The following DCAF17 variants were observed in gnomAD, a reference collection of about 807,000 sequenced individuals.
DCAF17 encodes the protein DDB1 and CUL4 associated factor 17, also known as DDB1- and CUL4-associated factor 17.
DCAF17 carries 48 observed loss-of-function variants against 66.0 expected under a neutral mutation model. That is an observed-to-expected ratio of 0.73 (90% CI 0.58 to 0.92). DCAF17 has a LOEUF of 0.92. Among genes scored for constraint, DCAF17 ranks in the 40% least tolerant of loss-of-function variants. The pLI is 0.00. For missense variants in DCAF17, 562 were observed against 622.8 expected (o/e 0.90, Z 1.04); for synonymous variants, 206 against 214.6 (o/e 0.96, Z 0.35).
At chr2:171,454,581 G>A (rs1012809360) in intron 6 of DCAF17, among the ~76,000 whole-genome samples, 1 of 152,034 alleles carries the variant, frequency 6.6e-6, no homozygotes, top group Non-Finnish European at 1.5e-5. Flanking sequence ...ACCGCGCCTG[G>A]CCAGCACTCA....
Position 171,458,240 on chromosome 2 carries a change from G to T in DCAF17, c.733-132G>T, listed in dbSNP as rs947476741. The T allele has an allele frequency of 7.8e-6, 8 of 1,028,718 alleles. No homozygotes were observed. In the African/African-American group the frequency reaches 1.3e-4, roughly 16 times the overall value. 63.7% of individuals were successfully genotyped at this position (1,028,718 alleles called of 1,614,324 possible). On this transcript the variant is annotated intron_variant, in intron 7 of 13. Coordinates refer to ENST00000375255, the MANE Select transcript of DCAF17 (RefSeq NM_025000.4). ...CAAGTAACCTTTAAAGCAGGGGTGG[G>T]GAAGATAAACAGAAAGGCCATTGGA... is the stretch of plus-strand genomic sequence containing the variant.
intron 3 of DCAF17, chr2:171,447,433 T>C (rs754334454): frequency 6.9e-6 from 2 of 291,392 alleles, no homozygotes; most frequent in South Asian, 2.7e-5. Context: ...CGATCTCAGC[T>C]CACCGCAACC....
chr2:171,444,702 C>A (rs940893478), intron 3 of DCAF17, among the ~76,000 whole-genome samples: 1 of 152,186 alleles, frequency 6.6e-6, no homozygotes, highest in East Asian at 1.9e-4. Context: ...AATACTACAA[C>A]AGATTAATCA....
rs772362676 is a variant in DCAF17 at position 171,453,118 on chromosome 2, T to C, written c.538-6T>C. On this transcript the variant is annotated splice_region_variant and splice_polypyrimidine_tract_variant and intron_variant, in intron 5 of 13. Coordinates refer to ENST00000375255, the MANE Select transcript of DCAF17 (RefSeq NM_025000.4). The stretch of plus-strand genomic sequence containing the variant: ...AGCTGCGTGTAATTGTAGTCTTTCC[T>C]TCTAGGCAGGCATTCAACAACATGT... 14 of 1,602,534 alleles carry C rather than the reference T, an allele frequency of 8.7e-6. No individual in the cohort carries two copies. Among genetic ancestry groups the C allele is most frequent in the Non-Finnish European group, 8.5e-7 (1 of 1,174,580 alleles).
chr2:171,481,782 T>C lies in DCAF17; in HGVS notation c.*668T>C. 2.2e-6 allele frequency: 1 copy of C among 453,604 alleles called. No homozygotes were observed. The highest frequency in any genetic ancestry group is 4.4e-6 in the Non-Finnish European group (1 of 226,604). 28.1% of individuals were successfully genotyped at this position (453,604 alleles called of 1,614,324 possible). A position where few individuals can be genotyped will look rare whatever the true frequency, so the allele number is the denominator to read the frequency against. ...ATTTGTGTTTCTATATAGGCTAATG[T>C]AAAAGATTCCAAGCAAACCTTAAGT... is the stretch of plus-strand genomic sequence containing the variant. On this transcript the variant is annotated 3_prime_UTR_variant, in exon 14 of 14. Transcript: ENST00000375255.
intron 8 of DCAF17, among the ~76,000 whole-genome samples, chr2:171,462,819 A>G (rs1213174682): frequency 2.0e-5 from 3 of 152,210 alleles, no homozygotes; most frequent in Non-Finnish European, 4.4e-5. Flanking sequence ...TGACATTAGT[A>G]TTATTATATC....
At chr2:171,451,980 G>A (rs1694980555) in intron 5 of DCAF17, among the ~76,000 whole-genome samples, 1 of 152,114 alleles carries the variant, frequency 6.6e-6, no homozygotes, top group Non-Finnish European at 1.5e-5. Flanking sequence ...ACAGTCTCCA[G>A]CCAACAAGTA....
At chr2:171,477,453 A>ATT (rs11449615) in intron 11 of DCAF17, among the ~76,000 whole-genome samples, 63 of 150,710 alleles carry the variant, frequency 4.2e-4, no homozygotes, top group African/African-American at 1.2e-3. Flanking sequence ...CTTTTAAATA[A>ATT]TTTTTTTTTT....
intron 8 of DCAF17, among the ~76,000 whole-genome samples, chr2:171,462,958 A>G (rs1182575111): frequency 1.3e-5 from 2 of 152,184 alleles, no homozygotes; most frequent in Non-Finnish European, 1.5e-5. Flanking sequence ...TTAACTGGGC[A>G]TAGTGGCTCA....
chr2:171,469,068 A>T (rs776939642), intron 9 of DCAF17, 38 bp downstream of exon 9: 5 of 1,610,646 alleles, frequency 3.1e-6, no homozygotes, highest in Non-Finnish European at 4.2e-6. Context: ...GCAAATTTGT[A>T]TCAAGTTCTT....
At chr2:171,453,096 T>C (rs771414175) in intron 5 of DCAF17, 28 bp from the exon 6 acceptor site, 2 of 1,524,210 alleles carry the variant, frequency 1.3e-6, no homozygotes, top group Non-Finnish European at 1.8e-6. Flanking sequence ...TTTTGAGAGC[T>C]GCGTGTAATT....
chr2:171,453,935 A>G (rs2105763372), intron 6 of DCAF17, among the ~76,000 whole-genome samples: 1 of 152,352 alleles, frequency 6.6e-6, no homozygotes, highest in Admixed American at 6.5e-5. Flanking sequence ...ATTATATACT[A>G]AACTGCATAA....
In DCAF17 at chr2:171,449,000, A is replaced by G. The variant is rs939677318; in HGVS notation, c.458+183A>G. Among the ~76,000 whole-genome samples, 3 of 151,402 alleles carry G rather than the reference A, an allele frequency of 2.0e-5. No individual in the cohort carries two copies. In the East Asian group the frequency reaches 5.8e-4, roughly 29 times the overall value. The stretch of plus-strand genomic sequence containing the variant: ...AGAGGTCTGAGTATAGAGACCCTCT[A>G]TCATTTGTCTTTTTTTTTTCTTTTT... On this transcript the variant is annotated intron_variant, in intron 4 of 13. Coordinates refer to ENST00000375255, the MANE Select transcript of DCAF17 (RefSeq NM_025000.4).
At chr2:171,443,283 G>A (rs199808149) in intron 2 of DCAF17, 10 of 381,488 alleles carry the variant, frequency 2.6e-5, no homozygotes, top group East Asian at 2.6e-4. Flanking sequence ...AGAAGGAAAT[G>A]AACCAAAATG....
intron 6 of DCAF17, among the ~76,000 whole-genome samples, chr2:171,453,872 T>C (rs187109737): frequency 6.6e-6 from 1 of 152,364 alleles, no homozygotes; most frequent in Non-Finnish European, 1.5e-5. Context: ...GAGGATCTAC[T>C]GATCTTTATA....
At chr2:171,466,726 T>G (rs1276818904) in intron 8 of DCAF17, among the ~76,000 whole-genome samples, 11 of 123,366 alleles carry the variant, frequency 8.9e-5, no homozygotes, top group African/African-American at 3.4e-4. Context: ...CTGTTTGTAC[T>G]GTTTTTTTTT....
At chr2:171,458,871 A>C (rs985771335) in intron 8 of DCAF17, among the ~76,000 whole-genome samples, 1 of 152,116 alleles carries the variant, frequency 6.6e-6, no homozygotes, top group Non-Finnish European at 1.5e-5. Flanking sequence ...AATTTTTACC[A>C]TGACATCTGA....
chr2:171,453,271 ATTAT>A lies in DCAF17; in HGVS notation c.627+62_627+65del, dbSNP rs1695059771. The A allele has an allele frequency of 4.1e-6, 5 of 1,205,456 alleles. No individual in the cohort carries two copies. In the Admixed American group the frequency reaches 1.0e-4, roughly 25 times the overall value. The allele number at this position is 1,205,456 out of a possible 1,614,324, so 74.7% of individuals were successfully genotyped here. On this transcript the variant is annotated intron_variant, in intron 6 of 13. Transcript: ENST00000375255. ...TTTATTGACAATAAGTTGTAATGTCATTATTTAATTATTTATGAGATATTTGATT... is the reference window on the plus strand; with the variant it reads ...TTTATTGACAATAAGTTGTAATGTCATTAATTATTTATGAGATATTTGATT...
At position 171,458,045 on chromosome 2, in the gene DCAF17, A is replaced by G. The variant is rs1453504957; in HGVS notation, c.702A>G (p.Arg234=). The change falls in exon 7 of 14, where the codon AGA becomes AGG. Residue 234 remains arginine (R), a synonymous_variant. Coordinates refer to ENST00000375255, the MANE Select transcript of DCAF17 (RefSeq NM_025000.4). ...TGATGTACAGCTCAGGACTGGTCAG[A>G]CTCTATAGCTTCCAAACCATCGCTG... ...LIVMYSSGLV[R]LYSFQTIAEQ... The G allele has an allele frequency of 1.9e-6, 3 of 1,613,996 alleles. No individual in the cohort carries two copies. The highest frequency in any genetic ancestry group is 4.5e-5 in the East Asian group (2 of 44,874).
Sources: allele counts gnomAD v4.1 joint callset (sites outside exome capture counted in the v4.1 genomes callset), GRCh38; gene constraint gnomAD v4.1.1; transcripts MANE v1.5; gene names NCBI Gene and HGNC (gene_info 2026-07-23, HGNC 2026-07-21).